Variants in ATRN observed in about 807,000 individuals in gnomAD.
ATRN encodes the protein attractin-2.
In ATRN, 54 loss-of-function variants were observed where a neutral mutation model predicts 178.7. That is an observed-to-expected ratio of 0.30 (90% CI 0.24 to 0.38). The LOEUF (loss-of-function observed/expected upper bound fraction) is 0.38, where lower values mean the gene tolerates loss of function less well. ATRN is among the 10% of genes least tolerant of loss of function. The pLI, the probability that ATRN is intolerant of heterozygous loss-of-function variation, is 1.00. For missense variants in ATRN, 1,443 were observed against 1,815.1 expected (o/e 0.79, Z 3.73); for synonymous variants, 636 against 663.0 (o/e 0.96, Z 0.63).
At chr20:3,619,054 C>T (rs978687551) in intron 24 of ATRN, among the ~76,000 whole-genome samples, 3 of 152,076 alleles carry the variant, frequency 2.0e-5, no homozygotes, top group Non-Finnish European at 4.4e-5. Context: ...TTGGTGGGGC[C>T]GCTGGTCCCA....
chr20:3,609,811 CAA>C (rs1196253563), intron 24 of ATRN, among the ~76,000 whole-genome samples: 1 of 151,764 alleles, frequency 6.6e-6, no homozygotes, highest in Non-Finnish European at 1.5e-5. Context: ...TGCGACAACA[CAA>C]GTGAACCTTG....
rs1256921165 is a variant in ATRN, at chr20:3,650,892, G to A, written c.*4045G>A. 1.3e-5 allele frequency: 2 copies of A among 152,628 alleles called. No individual in the cohort carries two copies. The highest frequency in any genetic ancestry group is 2.4e-5 in the African/African-American group (1 of 41,448). The allele number at this position is 152,628 out of a possible 1,614,324, so 9.5% of individuals were successfully genotyped here. On this transcript the variant is annotated 3_prime_UTR_variant, in exon 29 of 29. Transcript: ENST00000262919. Reference sequence around the variant, plus strand: ...TTACACTCATGTAAATATGGAGTAAGTATTGTAAACTATTTCATCGCGGGG... The same window carrying A: ...TTACACTCATGTAAATATGGAGTAAATATTGTAAACTATTTCATCGCGGGG...
intron 15 of ATRN, 33 bp downstream of exon 15, chr20:3,578,805 G>T (rs1208577850): frequency 6.3e-7 from 1 of 1,583,344 alleles, no homozygotes; most frequent in African/African-American, 1.3e-5. Context: ...TAAGTTTCTG[G>T]TTATCCACCT....
At chr20:3,544,479 T>C (rs1188163657) in intron 3 of ATRN, among the ~76,000 whole-genome samples, 1 of 152,096 alleles carries the variant, frequency 6.6e-6, no homozygotes, top group African/African-American at 2.4e-5. Context: ...CTGGCAAGGA[T>C]ATAGGCTTTT....
intron 6 of ATRN, among the ~76,000 whole-genome samples, chr20:3,554,358 T>C (rs1011283729): frequency 2.7e-5 from 4 of 146,778 alleles, no homozygotes; most frequent in African/African-American, 1.0e-4. Context: ...TATTTTGAAA[T>C]GGAGTCTCGC....
Position 3,645,879 on chromosome 20 carries a change from G to C in ATRN, c.4166-844G>C, listed in dbSNP as rs189251586. On this transcript the variant is annotated intron_variant, in intron 28 of 28. Transcript: ENST00000262919. This position sits in a 1 kb window ranked among gnomAD's most constrained non-coding sequence, Gnocchi z 4.7. ...ATTTCCCACGTATATTAGGAATCCA[G>C]CTCCCCCAGAACCGTGCCTTCCCTA... is the stretch of plus-strand genomic sequence containing the variant. Among the ~76,000 whole-genome samples, 2 of 152,026 alleles carry C rather than the reference G, an allele frequency of 1.3e-5. No individual in the cohort carries two copies. Among genetic ancestry groups the C allele is most frequent in the Admixed American group, 6.5e-5 (1 of 15,280 alleles).
At chr20:3,541,086 T>G (rs1466229400) in intron 3 of ATRN, among the ~76,000 whole-genome samples, 1 of 150,604 alleles carries the variant, frequency 6.6e-6, no homozygotes, top group African/African-American at 2.4e-5. Context: ...ATTTTTTTTT[T>G]TTTTTTTTTG....
intron 7 of ATRN, 86 bp from the exon 8 acceptor site, chr20:3,560,576 G>C (rs2085937073): frequency 8.4e-7 from 1 of 1,187,618 alleles, no homozygotes; most frequent in African/African-American, 1.5e-5. Flanking sequence ...TTTAAGCTGA[G>C]AATAATATTG....
In ATRN at chr20:3,471,427, A is replaced by G. The variant is rs1393901648; in HGVS notation, c.320A>G (p.Asn107Ser). ...EAKECDRPCV[N>S]GGRCNPGTGQ... ...AAGGAATGTGACCGGCCCTGTGTCA[A>G]CGGCGGTCGCTGCAACCCTGGCACC... Residue 107 changes from asparagine to serine, a missense_variant, in exon 1 of 29, where the codon AAC becomes AGC. Physicochemically the swap from Asn to Ser is conservative, Grantham distance 46 (BLOSUM62 1). Around this residue, in one of 4 missense-constraint regions of ATRN, gnomAD observed 862 missense variants for 972.1 expected, o/e 0.89. Coordinates refer to ENST00000262919, the MANE Select transcript of ATRN (RefSeq NM_139321.3). 12 of 1,470,836 alleles carry G rather than the reference A, an allele frequency of 8.2e-6. No individual in the cohort carries two copies. The highest frequency in any genetic ancestry group is 1.1e-5 in the Non-Finnish European group (12 of 1,119,396). 91.1% of individuals were successfully genotyped at this position (1,470,836 alleles called of 1,614,324 possible).
chr20:3,491,992 C>A (rs1260550686), intron 1 of ATRN, among the ~76,000 whole-genome samples: 3 of 152,028 alleles, frequency 2.0e-5, no homozygotes, highest in Non-Finnish European at 4.4e-5. Flanking sequence ...TCTTTTCTTT[C>A]ATTGCTATAT....
chr20:3,517,056 CG>C (rs1308771828), intron 1 of ATRN, among the ~76,000 whole-genome samples: 1 of 152,098 alleles, frequency 6.6e-6, no homozygotes, highest in Non-Finnish European at 1.5e-5. Flanking sequence ...TTTGAGGAAT[CG>C]CCACACTGTC....
chr20:3,504,398 C>T (rs552052986), intron 1 of ATRN, among the ~76,000 whole-genome samples: 11 of 151,564 alleles, frequency 7.3e-5, no homozygotes, highest in African/African-American at 1.9e-4. Flanking sequence ...TGTCGCAGGC[C>T]GGGTGCAGTG....
intron 1 of ATRN, among the ~76,000 whole-genome samples, chr20:3,487,718 C>G (rs2084715507): frequency 1.3e-5 from 2 of 152,026 alleles, no homozygotes; most frequent in Non-Finnish European, 2.9e-5. Context: ...CCTGGGGCTA[C>G]TTTCTATGTT....
In ATRN at chr20:3,504,296, G is replaced by T. The variant is rs141249499; in HGVS notation, c.411-30957G>T. Reference sequence around the variant, plus strand: ...TTGGCTAAAGGAAGTTCTTTAAGCCGAAAGGAAATGATAGTAGAAGGAATC... The same window carrying T: ...TTGGCTAAAGGAAGTTCTTTAAGCCTAAAGGAAATGATAGTAGAAGGAATC... On this transcript the variant is annotated intron_variant, in intron 1 of 28. Coordinates refer to ENST00000262919, the MANE Select transcript of ATRN (RefSeq NM_139321.3). 2.8e-3 allele frequency among the ~76,000 whole-genome samples: 419 copies of T among 152,158 alleles called. 3 individuals carry two copies. The highest frequency in any genetic ancestry group is 6.8e-3 in the Middle Eastern group (2 of 294).
intron 6 of ATRN, among the ~76,000 whole-genome samples, chr20:3,551,720 C>T (rs1314206320): frequency 6.6e-6 from 1 of 152,112 alleles, no homozygotes; most frequent in African/African-American, 2.4e-5. Flanking sequence ...TACCACCTTT[C>T]CTTCTGTTTT....
intron 1 of ATRN, among the ~76,000 whole-genome samples, chr20:3,494,125 G>A (rs1450170207): frequency 6.6e-6 from 1 of 152,052 alleles, no homozygotes; most frequent in African/African-American, 2.4e-5. Flanking sequence ...GAGCTCCAAG[G>A]GACATTTGAA....
chr20:3,568,756 G>A (rs2086074060), intron 11 of ATRN, among the ~76,000 whole-genome samples: 1 of 152,132 alleles, frequency 6.6e-6, no homozygotes, highest in African/African-American at 2.4e-5. Flanking sequence ...TGAGCTCACA[G>A]CCAACAGCAC....
At chr20:3,506,983 G>A (rs1231889813) in intron 1 of ATRN, among the ~76,000 whole-genome samples, 3 of 151,462 alleles carry the variant, frequency 2.0e-5, no homozygotes, top group Non-Finnish European at 4.4e-5. Context: ...CTGTATAGAA[G>A]CACAGAGACA....
rs913159692 is a variant in ATRN, at chr20:3,626,944, G to A, written c.3863+2372G>A. On this transcript the variant is annotated intron_variant, in intron 25 of 28. Coordinates refer to ENST00000262919, the MANE Select transcript of ATRN (RefSeq NM_139321.3). ...TGGGATTACAGGCACGTGCCACCAC[G>A]CATGGCTAATTTTTGTATTTTTAGC... Among the ~76,000 whole-genome samples the A allele has an allele frequency of 3.3e-5, 5 of 151,798 alleles. No homozygotes were observed. In the South Asian group the frequency reaches 6.2e-4, roughly 19 times the overall value.
Sources: allele counts gnomAD v4.1 joint callset (sites outside exome capture counted in the v4.1 genomes callset), GRCh38; gene constraint gnomAD v4.1.1; regional missense constraint gnomAD v4.1.1; non-coding constraint Gnocchi (gnomAD v3.1); transcripts MANE v1.5; gene names NCBI Gene and HGNC (gene_info 2026-07-23, HGNC 2026-07-21).